Variants in ACIN1 observed in about 807,000 individuals in gnomAD.
ACIN1 encodes the protein apoptotic chromatin condensation inducer 1.
ACIN1 carries 16 observed loss-of-function variants against 146.6 expected under a neutral mutation model. That is an observed-to-expected ratio of 0.11 (90% CI 0.07 to 0.17). The LOEUF is 0.17. Ranked by LOEUF, ACIN1 falls within the 10% of genes least tolerant of loss-of-function variation. ACIN1 has a pLI of 1.00. For missense variants in ACIN1, 1,357 were observed against 1,609.3 expected, an observed-to-expected ratio of 0.84 and a Z score of 2.68; for synonymous variants, 569 against 582.7, an observed-to-expected ratio of 0.98 and a Z score of 0.34.
chr14:23,081,013 T>C (rs2047930257), intron 5 of ACIN1, among the ~76,000 whole-genome samples: 1 of 150,510 alleles, frequency 6.6e-6, no homozygotes, highest in African/African-American at 2.4e-5. Flanking sequence ...AATATCACAA[T>C]GAAGCTACTT....
intron 13 of ACIN1, 181 bp from the exon 14 acceptor site, chr14:23,063,255 C>G: frequency 3.6e-6 from 4 of 1,110,468 alleles, no homozygotes; most frequent in Non-Finnish European, 5.1e-6. Context: ...CATGGAGATT[C>G]AAAGATTAAA....
Position 23,064,317 on chromosome 14 carries a change from A to G in ACIN1, c.2442+38T>C, listed in dbSNP as rs375819825. ...GGCCCATGTCTACTCCCACCTTAAC[A>G]GGTCTCATCCTCCCTTCCCTGGCTC... On this transcript the variant is annotated intron_variant, in intron 11 of 18. Transcript: ENST00000605057. 84 of 1,613,868 alleles carry G rather than the reference A, an allele frequency of 5.2e-5. No individual in the cohort carries two copies. The African/African-American group carries it at 1.1e-3, about 20-fold the overall frequency.
At position 23,078,160 on chromosome 14, in the gene ACIN1, T is replaced by C. The variant is rs755417331; in HGVS notation, c.2114A>G (p.His705Arg). ...TSHLPESERI[H>R]HTVEEKEEVT... is the part of the protein sequence containing the mutation. Reference sequence around the variant, plus strand: ...GAGATATATCACTTACACAGTGTGATGAATTCTTTCTGATTCTGGCAGATG... The same window carrying C: ...GAGATATATCACTTACACAGTGTGACGAATTCTTTCTGATTCTGGCAGATG... Residue 705 changes from histidine to arginine, a missense_variant, in exon 8 of 19, where the codon CAT (histidine) becomes CGT (arginine). His to Arg is a conservative substitution (Grantham distance 29). Around this residue, in one of 4 missense-constraint regions of ACIN1, gnomAD observed 771 missense variants for 746.6 expected, o/e 1.03. Coordinates refer to ENST00000605057, the MANE Select transcript of ACIN1 (RefSeq NM_001386863.1). 1 of 1,614,176 alleles carries C rather than the reference T, an allele frequency of 6.2e-7. No homozygotes were observed. Among genetic ancestry groups the C allele is most frequent in the Non-Finnish European group, 8.5e-7 (1 of 1,179,990 alleles).
intron 8 of ACIN1, chr14:23,071,336 T>C: frequency 6.6e-7 from 1 of 1,514,140 alleles, no homozygotes; most frequent in South Asian, 1.3e-5. Flanking sequence ...CAACCGGGGA[T>C]CCAAAAAATG....
chr14:23,093,890 T>C (rs1429759643), intron 1 of ACIN1, among the ~76,000 whole-genome samples: 2 of 152,234 alleles, frequency 1.3e-5, no homozygotes, highest in Non-Finnish European at 2.9e-5. Flanking sequence ...TGATCATGCA[T>C]GTAAAATTAC....
intron 4 of ACIN1, among the ~76,000 whole-genome samples, chr14:23,086,145 G>A (rs970448239): frequency 6.6e-5 from 10 of 152,098 alleles, no homozygotes; most frequent in African/African-American, 2.4e-4. Context: ...ATACAGACCT[G>A]GAAACAATGC....
chr14:23,069,742 G>T (rs1268623638), intron 8 of ACIN1, 125 bp from the exon 9 acceptor site: 1 of 842,852 alleles, frequency 1.2e-6, no homozygotes, highest in Non-Finnish European at 1.8e-6. Context: ...GATTAGGAGG[G>T]CTGCTTTTCT....
At position 23,067,965 on chromosome 14, in the gene ACIN1, G is replaced by A; in HGVS notation, c.2265+1511C>T. ...GGCTGGCATCTCCTCAGGGACTCCA[G>A]CTGAGACAGTGGTTCCAGTCAGGTG... On this transcript the variant is annotated intron_variant, in intron 9 of 18. Coordinates refer to ENST00000605057, the MANE Select transcript of ACIN1 (RefSeq NM_001386863.1). This position sits in a 1 kb window ranked among gnomAD's most constrained non-coding sequence, Gnocchi z 4.6. 2 of 985,872 alleles carry A rather than the reference G, an allele frequency of 2.0e-6. No homozygotes were observed. Among genetic ancestry groups the A allele is most frequent in the South Asian group, 4.7e-5 (1 of 21,290 alleles). The allele number at this position is 985,872 out of a possible 1,614,324, so 61.1% of individuals were successfully genotyped here.
chr14:23,081,264 G>A (rs2140168163), intron 5 of ACIN1, among the ~76,000 whole-genome samples: 1 of 104,568 alleles, frequency 9.6e-6, no homozygotes, highest in Non-Finnish European at 1.9e-5. Context: ...CCCACTTAGT[G>A]TTATATAACT....
chr14:23,073,067 T>G (rs1442857949), intron 8 of ACIN1, among the ~76,000 whole-genome samples: 1 of 152,240 alleles, frequency 6.6e-6, no homozygotes, highest in Non-Finnish European at 1.5e-5. Context: ...TAGGCCATTA[T>G]CTCATCTGAT....
At chr14:23,072,126 C>A (rs879937765) in intron 8 of ACIN1, among the ~76,000 whole-genome samples, 16 of 152,150 alleles carry the variant, frequency 1.1e-4, no homozygotes, top group South Asian at 2.1e-4. Flanking sequence ...CTGCTCACCC[C>A]GGCAATGACC....
At chr14:23,087,872 C>G (rs990806500) in intron 4 of ACIN1, among the ~76,000 whole-genome samples, 7 of 152,164 alleles carry the variant, frequency 4.6e-5, no homozygotes, top group African/African-American at 1.7e-4. Flanking sequence ...TCATTCCTAT[C>G]TCTCTGACTT....
At chr14:23,076,277 G>C (rs907926192) in intron 8 of ACIN1, among the ~76,000 whole-genome samples, 9 of 152,174 alleles carry the variant, frequency 5.9e-5, no homozygotes, top group African/African-American at 2.2e-4. Flanking sequence ...AGGAAAGCAG[G>C]TACGAGTGAT....
intron 18 of ACIN1, 117 bp from the exon 19 acceptor site, chr14:23,059,591 T>G (rs1303321830): frequency 2.7e-6 from 2 of 746,192 alleles, no homozygotes; most frequent in Non-Finnish European, 4.6e-6. Flanking sequence ...CAGGAAGGGG[T>G]TGGGGGCTCA....
chr14:23,095,519 TG>T, upstream of ACIN1: 1 of 560,792 alleles, frequency 1.8e-6, no homozygotes, highest in Non-Finnish European at 3.1e-6. Context: ...GCTGCCGGGC[TG>T]GCCCAGCTTA....
Position 23,093,677 on chromosome 14 carries a change from G to T in ACIN1, c.139-133C>A, listed in dbSNP as rs2048287184. On this transcript the variant is annotated intron_variant, in intron 1 of 18. Transcript: ENST00000605057. ...AATTAAACTGTATTCCTTTTCCAGG[G>T]ACCTGAAAACCCTTTACTAACACTG... 7 of 733,058 alleles carry T rather than the reference G, an allele frequency of 9.5e-6. No homozygotes were observed. In the South Asian group the frequency reaches 1.2e-4, roughly 13 times the overall value. The allele number at this position is 733,058 out of a possible 1,614,324, so 45.4% of individuals were successfully genotyped here. A position where few individuals can be genotyped will look rare whatever the true frequency, so the allele number is the denominator to read the frequency against.
At chr14:23,070,823 AG>A (rs957892978) in intron 8 of ACIN1, among the ~76,000 whole-genome samples, 3 of 152,128 alleles carry the variant, frequency 2.0e-5, no homozygotes, top group African/African-American at 7.2e-5. Context: ...GGGATGCACT[AG>A]GGGGGTTAGG....
rs2047261283 is a variant in ACIN1 at position 23,060,975 on chromosome 14, C to A, written c.3525+109G>T. The A allele has an allele frequency of 5.8e-6, 6 of 1,030,406 alleles. No homozygotes were observed. The South Asian group carries it at 8.1e-5, about 14-fold the overall frequency. 63.8% of individuals were successfully genotyped at this position (1,030,406 alleles called of 1,614,324 possible). On this transcript the variant is annotated intron_variant, in intron 18 of 18. Coordinates refer to ENST00000605057, the MANE Select transcript of ACIN1 (RefSeq NM_001386863.1). ...TTTGTGATGCTTAGTTTATCCTAAA[C>A]CTAGGAAGTACTTGGGCCGACTCAC...
intron 4 of ACIN1, among the ~76,000 whole-genome samples, chr14:23,083,745 T>C (rs1369925348): frequency 6.6e-6 from 1 of 151,884 alleles, no homozygotes; most frequent in Non-Finnish European, 1.5e-5. Flanking sequence ...ACAAAAAAGA[T>C]CAACTATGTA....
Sources: allele counts gnomAD v4.1 joint callset (sites outside exome capture counted in the v4.1 genomes callset), GRCh38; gene constraint gnomAD v4.1.1; regional missense constraint gnomAD v4.1.1; non-coding constraint Gnocchi (gnomAD v3.1); transcripts MANE v1.5; gene names NCBI Gene and HGNC (gene_info 2026-07-23, HGNC 2026-07-21).